Variants in CCDC3 observed in about 807,000 individuals in gnomAD.
CCDC3 encodes coiled-coil domain containing 3.
Under a neutral mutation model 21.4 loss-of-function variants are expected in CCDC3, and 24 were observed. The observed-to-expected ratio is 1.12, with a 90% CI of 0.81 to 1.58. The LOEUF (loss-of-function observed/expected upper bound fraction) is 1.58, where lower values mean the gene tolerates loss of function less well. Among genes scored for constraint, CCDC3 ranks in the 40% most tolerant of loss-of-function variants. The pLI is 0.00. For synonymous variants in CCDC3, 186 were observed against 166.0 expected, an observed-to-expected ratio of 1.12 and a Z score of -0.93; for missense variants, 425 against 360.9, an observed-to-expected ratio of 1.18 and a Z score of -1.44.
intron 2 of CCDC3, among the ~76,000 whole-genome samples, chr10:12,951,154 C>T (rs2668920): frequency 0.99 from 151,064 of 152,312 alleles, 74,932 homozygotes; most frequent in Middle Eastern, 1. Flanking sequence ...AAGGAATACT[C>T]GAGTCCAGGA....
chr10:13,014,683 T>C (rs1836029317), intron 5 of CCDC3, among the ~76,000 whole-genome samples: 1 of 152,008 alleles, frequency 6.6e-6, no homozygotes, highest in South Asian at 2.1e-4. Flanking sequence ...TTGCAGATGA[T>C]GAGTATCCTA....
upstream of CCDC3, among the ~76,000 whole-genome samples, chr10:13,002,163 T>TA (rs1165204523): frequency 6.6e-6 from 1 of 152,230 alleles, no homozygotes; most frequent in African/African-American, 2.4e-5. Context: ...GCTAGTTATT[T>TA]AATGAAGATC....
At chr10:12,968,689 C>T (rs1043534136) in intron 2 of CCDC3, among the ~76,000 whole-genome samples, 1 of 152,058 alleles carries the variant, frequency 6.6e-6, no homozygotes, top group African/African-American at 2.4e-5. Flanking sequence ...AAGGGATATA[C>T]AAGATGTAAA....
In CCDC3 at chr10:13,098,209, G is replaced by C. The variant is rs868718055; in HGVS notation, c.-503+316C>G. Among the ~76,000 whole-genome samples the C allele has an allele frequency of 2.0e-5, 3 of 151,886 alleles. No homozygotes were observed. In the South Asian group the frequency reaches 6.3e-4, roughly 32 times the overall value. Reference sequence around the variant, plus strand: ...GCTTTCTGTACCAGAAACTCACCTCGAGCCTCCCACACCAAAGCCATGGGC... The same window carrying C: ...GCTTTCTGTACCAGAAACTCACCTCCAGCCTCCCACACCAAAGCCATGGGC... On this transcript the variant is annotated intron_variant, in intron 3 of 6. Transcript: ENST00000378839.
chr10:13,073,798 T>A (rs960617621), intron 4 of CCDC3: 3 of 152,162 alleles, frequency 2.0e-5, no homozygotes, highest in Non-Finnish European at 4.4e-5. Flanking sequence ...AAGACATTTT[T>A]TTTAAATGAG....
At chr10:13,074,007 CTT>C (rs1836919124) in exon 4 of CCDC3, 1 of 151,736 alleles carries the variant, frequency 6.6e-6, no homozygotes, top group African/African-American at 2.4e-5. Flanking sequence ...GTTACAGTCT[CTT>C]GAAGAATTCC....
At chr10:12,995,196 G>A (rs949976557) in intron 2 of CCDC3, among the ~76,000 whole-genome samples, 3 of 152,040 alleles carry the variant, frequency 2.0e-5, no homozygotes, top group Non-Finnish European at 2.9e-5. Flanking sequence ...AAAAGTCAAT[G>A]TAATTTTAAT....
intron 2 of CCDC3, among the ~76,000 whole-genome samples, chr10:12,988,353 C>A (rs563464405): frequency 2.0e-5 from 3 of 149,344 alleles, no homozygotes; most frequent in African/African-American, 7.4e-5. Context: ...TTCCTATTAC[C>A]TTTTTTTTTT....
At chr10:12,930,591 G>A (rs376310573) in intron 2 of CCDC3, among the ~76,000 whole-genome samples, 3 of 152,192 alleles carry the variant, frequency 2.0e-5, no homozygotes, top group African/African-American at 7.2e-5. Flanking sequence ...TGGGTTAACA[G>A]CTGATACCAC....
chr10:12,953,833 T>C (rs115376197), intron 2 of CCDC3, among the ~76,000 whole-genome samples: 1,550 of 152,252 alleles, frequency 0.01, 25 homozygotes, highest in African/African-American at 0.035. Flanking sequence ...TTCCAAAGTG[T>C]CTAGAACAGG....
At chr10:13,063,472 A>G (rs1836785800) in intron 4 of CCDC3, among the ~76,000 whole-genome samples, 1 of 152,172 alleles carries the variant, frequency 6.6e-6, no homozygotes, top group African/African-American at 2.4e-5. Flanking sequence ...AACCTTCTCT[A>G]GGGGCAGATA....
intron 5 of CCDC3, among the ~76,000 whole-genome samples, chr10:13,026,910 C>A (rs1836225690): frequency 6.6e-6 from 1 of 152,188 alleles, no homozygotes; most frequent in Admixed American, 6.5e-5. Flanking sequence ...GTTGTTACCT[C>A]TTCTTCCATT....
chr10:13,087,111 T>C (rs1419871750), intron 3 of CCDC3, among the ~76,000 whole-genome samples: 1 of 151,934 alleles, frequency 6.6e-6, no homozygotes. Context: ...GCATAAAAGG[T>C]GCTAGGAACA....
rs116570082 is a variant in CCDC3 at position 12,980,859 on chromosome 10, C to T, written c.549+17479G>A. Among the ~76,000 whole-genome samples, 402 of 152,122 alleles carry T rather than the reference C, an allele frequency of 2.6e-3. 3 individuals carry two copies. Among genetic ancestry groups the T allele is most frequent in the African/African-American group, 9.2e-3 (383 of 41,482 alleles). On this transcript the variant is annotated intron_variant, in intron 2 of 2. Coordinates refer to ENST00000378825, the MANE Select transcript of CCDC3 (RefSeq NM_031455.4). ...TACAGGGGACTTTGGAAACAGAACT[C>T]AGAATCTTCTATCTCCTAGACTGCA...
chr10:12,984,428 G>A (rs1186077031), intron 2 of CCDC3, among the ~76,000 whole-genome samples: 3 of 152,184 alleles, frequency 2.0e-5, no homozygotes, highest in Non-Finnish European at 4.4e-5. Context: ...AAGACGTAAA[G>A]AAATTGCAAC....
At chr10:13,087,856 A>C (rs989353280) in intron 3 of CCDC3, among the ~76,000 whole-genome samples, 2 of 152,182 alleles carry the variant, frequency 1.3e-5, no homozygotes, top group African/African-American at 4.8e-5. Context: ...AGGTTGGTGC[A>C]CTAGCAATTG....
intron 3 of CCDC3, among the ~76,000 whole-genome samples, chr10:13,090,034 GATATATATATATATATATATATATAT>G (rs66476163): frequency 7.7e-6 from 1 of 129,170 alleles, no homozygotes. Flanking sequence ...TATTCCGTTA[GATATATATATATATATATATATATAT>G]ATATATATAT....
At position 12,910,361 on chromosome 10, in the gene CCDC3, T is replaced by C. The variant is rs78355414; in HGVS notation, c.550-11682A>G. On this transcript the variant is annotated intron_variant, in intron 2 of 2. Coordinates refer to ENST00000378825, the MANE Select transcript of CCDC3 (RefSeq NM_031455.4). ...GTGTATTTGGTGTGCCTTAAAGCCA[T>C]TCAATGTCGAATGCAGTTGCTGCTA... Among the ~76,000 whole-genome samples the C allele has an allele frequency of 4.1e-3, 623 of 152,294 alleles. 7 individuals are homozygous for C. The highest frequency in any genetic ancestry group is 0.014 in the African/African-American group (592 of 41,552).
At chr10:13,085,648 A>T (rs1182999736) in intron 3 of CCDC3, among the ~76,000 whole-genome samples, 1 of 152,156 alleles carries the variant, frequency 6.6e-6, no homozygotes, top group African/African-American at 2.4e-5. Context: ...AAACTTTCAA[A>T]TATTCCATAA....
Sources: gnomAD v4.1 joint callset for allele counts (sites outside exome capture counted in the v4.1 genomes callset) on GRCh38, gnomAD v4.1.1 for gene constraint, MANE v1.5 for transcripts, NCBI Gene and HGNC (gene_info 2026-07-23, HGNC 2026-07-21) for gene names.